The following MTHFD1 variants were observed in gnomAD, a reference collection of about 807,000 sequenced individuals.
MTHFD1 encodes the protein C-1-tetrahydrofolate synthase, cytoplasmic.
Under a neutral mutation model 110.3 loss-of-function variants are expected in MTHFD1, and 44 were observed. That is an observed-to-expected ratio of 0.40 (90% CI 0.31 to 0.51). The LOEUF is 0.51. Ranked by LOEUF, MTHFD1 falls within the 20% of genes least tolerant of loss-of-function variation. The pLI, the probability that MTHFD1 is intolerant of heterozygous loss-of-function variation, is 0.60. For missense variants in MTHFD1, 909 were observed against 1,173.1 expected (o/e 0.77, Z 3.29); for synonymous variants, 402 against 428.8 (o/e 0.94, Z 0.77).
chr14:64,446,491 T>A (rs1438588210), intron 22 of MTHFD1, among the ~76,000 whole-genome samples: 1 of 152,202 alleles, frequency 6.6e-6, no homozygotes, highest in East Asian at 1.9e-4. Context: ...AAAGATACAT[T>A]TCCTTAATTG....
At chr14:64,423,626 C>G (rs2078093166) in intron 8 of MTHFD1, among the ~76,000 whole-genome samples, 1 of 151,302 alleles carries the variant, frequency 6.6e-6, no homozygotes, top group African/African-American at 2.4e-5. Flanking sequence ...GGACTCCTGA[C>G]CTCAGGTGAT....
Position 64,411,155 on chromosome 14 carries a change from G to T in MTHFD1, c.186+6G>T, listed in dbSNP as rs750839500. 1.2e-5 allele frequency: 20 copies of T among 1,610,326 alleles called. No homozygotes were observed. In the South Asian group the frequency reaches 1.3e-4, roughly 11 times the overall value. On this transcript the variant is annotated splice_donor_region_variant and intron_variant, in intron 3 of 27. Coordinates refer to ENST00000652337, the MANE Select transcript of MTHFD1 (RefSeq NM_005956.4). Reference sequence around the variant, plus strand: ...AGCTGAAGGCTGCTGAAGAGGTAACGCCAGAAGAGCTGTGCCATCACCCTC... The same window carrying T: ...AGCTGAAGGCTGCTGAAGAGGTAACTCCAGAAGAGCTGTGCCATCACCCTC...
intron 12 of MTHFD1, among the ~76,000 whole-genome samples, chr14:64,428,436 G>T (rs8019804): frequency 0.94 from 143,290 of 152,098 alleles, 67,547 homozygotes; most frequent in African/African-American, 0.99. Context: ...TTAAAATAAT[G>T]TTTATTAATT....
intron 6 of MTHFD1, among the ~76,000 whole-genome samples, chr14:64,416,779 G>A (rs191164769): frequency 1.3e-5 from 2 of 152,136 alleles, no homozygotes; most frequent in African/African-American, 4.8e-5. Flanking sequence ...TTGCTTAAAA[G>A]AAAAAAATCC....
intron 8 of MTHFD1, among the ~76,000 whole-genome samples, chr14:64,421,283 G>A (rs950693651): frequency 1.7e-4 from 26 of 152,122 alleles, no homozygotes; most frequent in Admixed American, 6.5e-4. Flanking sequence ...TCACTGTGGC[G>A]CCACATCCAG....
At position 64,432,074 on chromosome 14, in the gene MTHFD1, G is replaced by A. The variant is rs567062991; in HGVS notation, c.1494+213G>A. 2.0e-5 allele frequency among the ~76,000 whole-genome samples: 3 copies of A among 152,170 alleles called. No homozygotes were observed. In the South Asian group the frequency reaches 6.2e-4, roughly 32 times the overall value. ...AGAAGTGGCTAGTGTGGAATAAATA[G>A]AACACTGACAACCTGCCCTCAGCTA... On this transcript the variant is annotated intron_variant, in intron 15 of 27. Transcript: ENST00000652337.
chr14:64,443,850 A>G (rs1237290815), intron 21 of MTHFD1, among the ~76,000 whole-genome samples: 5 of 152,088 alleles, frequency 3.3e-5, no homozygotes, highest in African/African-American at 1.2e-4. Context: ...ATTTGCACAT[A>G]TGGCTCTGTC....
At chr14:64,407,168 A>G (rs2077942007) in intron 2 of MTHFD1, among the ~76,000 whole-genome samples, 1 of 152,176 alleles carries the variant, frequency 6.6e-6, no homozygotes, top group African/African-American at 2.4e-5. Flanking sequence ...ACTTTTCATT[A>G]TAAGAGATAC....
At chr14:64,429,250 CTG>C (rs2078140220) in intron 12 of MTHFD1, among the ~76,000 whole-genome samples, 1 of 43,944 alleles carries the variant, frequency 2.3e-5, no homozygotes, top group Non-Finnish European at 4.8e-5. Context: ...GTATGAGACT[CTG>C]TCTAAAAAAA....
At chr14:64,432,915 C>T (rs557880469) in intron 15 of MTHFD1, among the ~76,000 whole-genome samples, 3 of 152,242 alleles carry the variant, frequency 2.0e-5, no homozygotes, top group African/African-American at 7.2e-5. Context: ...CACCACCACA[C>T]CTGGCTAATT....
rs150822350 is a variant in MTHFD1 at position 64,444,758 on chromosome 14, C to T, written c.2178+24C>T. On this transcript the variant is annotated intron_variant, in intron 22 of 27. Transcript: ENST00000652337. ...AGGTAACCTGAGTTATTTCTCATCA[C>T]GTGTCCTAGAAAGCACCACACCTTG... 5.1e-5 allele frequency: 82 copies of T among 1,612,592 alleles called. 1 individual carries two copies. Among genetic ancestry groups the T allele is most frequent in the South Asian group, 4.5e-4 (41 of 91,060 alleles).
intron 24 of MTHFD1, among the ~76,000 whole-genome samples, chr14:64,452,798 C>A (rs1276871641): frequency 1.3e-5 from 2 of 152,202 alleles, no homozygotes; most frequent in African/African-American, 4.8e-5. Context: ...TGTCTTATTT[C>A]ATAAACAGTG....
chr14:64,434,949 C>CTTTTTT (rs374039248), intron 15 of MTHFD1, among the ~76,000 whole-genome samples: 26 of 80,864 alleles, frequency 3.2e-4, no homozygotes, highest in East Asian at 1.4e-3. Context: ...TCCCTCTTTT[C>CTTTTTT]TTTTTTTTTT....
chr14:64,456,593 G>A (rs1019731949), intron 26 of MTHFD1, among the ~76,000 whole-genome samples: 12 of 152,112 alleles, frequency 7.9e-5, no homozygotes, highest in African/African-American at 2.2e-4. Flanking sequence ...GCACATGCCC[G>A]TCTACAACAA....
At chr14:64,405,771 C>T (rs1008800521) in intron 2 of MTHFD1, among the ~76,000 whole-genome samples, 1 of 152,032 alleles carries the variant, frequency 6.6e-6, no homozygotes, top group African/African-American at 2.4e-5. Context: ...AATTGCAATC[C>T]TTGTTAAAAT....
At chr14:64,411,206 A>C in intron 3 of MTHFD1, 57 bp downstream of exon 3, 1 of 1,368,764 alleles carries the variant, frequency 7.3e-7, no homozygotes, top group South Asian at 1.2e-5. Context: ...GGTCCTATCG[A>C]TTACCCCTTG....
intron 23 of MTHFD1, 143 bp from the exon 24 acceptor site, chr14:64,449,302 G>A (rs1464301246): frequency 3.3e-6 from 3 of 902,838 alleles, no homozygotes; most frequent in Non-Finnish European, 3.6e-6. Context: ...AAGTTTCGGA[G>A]CTGAGATTCA....
At chr14:64,438,657 C>A (rs753159753) in intron 16 of MTHFD1, among the ~76,000 whole-genome samples, 1 of 152,158 alleles carries the variant, frequency 6.6e-6, no homozygotes, top group Non-Finnish European at 1.5e-5. Context: ...TGGCACCCAG[C>A]GTGTTTCAAA....
intron 1 of MTHFD1, among the ~76,000 whole-genome samples, chr14:64,398,180 A>G (rs1377167700): frequency 3.3e-5 from 5 of 151,980 alleles, no homozygotes; most frequent in African/African-American, 7.3e-5. Flanking sequence ...AAAAATTCCA[A>G]TGGTCTATTC....
Sources: gnomAD v4.1 joint callset for allele counts (sites outside exome capture counted in the v4.1 genomes callset) on GRCh38, gnomAD v4.1.1 for gene constraint, MANE v1.5 for transcripts, NCBI Gene and HGNC (gene_info 2026-07-23, HGNC 2026-07-21) for gene names.